Variants in AGBL4 observed in about 807,000 individuals in gnomAD.
AGBL4 encodes cytosolic carboxypeptidase 6.
In AGBL4, 58 loss-of-function variants were observed where a neutral mutation model predicts 66.4. The ratio of observed to expected loss-of-function variants is 0.87; its 90% confidence interval spans 0.71 to 1.09. The LOEUF (loss-of-function observed/expected upper bound fraction) is 1.09. Ranked by LOEUF, AGBL4 falls within the 50% of genes least tolerant of loss-of-function variation. The pLI, the probability that AGBL4 is intolerant of heterozygous loss-of-function variation, is 0.00. For missense variants in AGBL4, 579 were observed against 631.0 expected (o/e 0.92, Z 0.88); for synonymous variants, 234 against 222.9 (o/e 1.05, Z -0.44).
chr1:48,549,533 G>A (rs1644218591), intron 11 of AGBL4, among the ~76,000 whole-genome samples: 1 of 152,144 alleles, frequency 6.6e-6, no homozygotes, highest in Admixed American at 6.5e-5. Flanking sequence ...GGGTCAGGGA[G>A]AGACAGCAGG....
intron 4 of AGBL4, among the ~76,000 whole-genome samples, chr1:49,224,616 C>CAAAAAA (rs377573639): frequency 4.0e-5 from 3 of 74,708 alleles, no homozygotes; most frequent in East Asian, 3.3e-4. Context: ...GACTCCCTCT[C>CAAAAAA]AAAAAAAAAA....
At chr1:49,981,935 T>C (rs896093282) in intron 1 of AGBL4, among the ~76,000 whole-genome samples, 4 of 152,240 alleles carry the variant, frequency 2.6e-5, no homozygotes, top group Admixed American at 1.3e-4. Context: ...ATTTGTTCAA[T>C]TGTTTCAAAC....
At chr1:49,877,905 C>G (rs1293465612) in intron 1 of AGBL4, among the ~76,000 whole-genome samples, 20 of 152,090 alleles carry the variant, frequency 1.3e-4, no homozygotes, top group Non-Finnish European at 2.4e-4. Flanking sequence ...TATGTGTCTA[C>G]GAATGTATCC....
chr1:49,726,066 C>T (rs1558194934), intron 2 of AGBL4, among the ~76,000 whole-genome samples: 1 of 151,998 alleles, frequency 6.6e-6, no homozygotes, highest in Non-Finnish European at 1.5e-5. Flanking sequence ...ATAAGAGAAA[C>T]ACTATAAATA....
Position 48,634,538 on chromosome 1 carries a change from G to T in AGBL4, c.906C>A (p.Thr302=), listed in dbSNP as rs12091956. The T allele has an allele frequency of 5.6e-6, 9 of 1,606,892 alleles. No homozygotes were observed. In the East Asian group the frequency reaches 1.8e-4, roughly 32 times the overall value. Residue 302 remains threonine, a synonymous_variant, in exon 9 of 14, where the codon ACC becomes ACA. Coordinates refer to ENST00000371839, the MANE Select transcript of AGBL4 (RefSeq NM_032785.4). ...CGATGAGTTGTTTCACTCCATGCAG[G>T]GTAGGATGGACCCATGGAGAGGGAT... ...WLDPSPWVHP[T]LHGVKQLIVQ...
intron 6 of AGBL4, chr1:48,759,311 A>G (rs772557186): frequency 8.1e-5 from 125 of 1,542,648 alleles, no homozygotes; most frequent in Admixed American, 2.0e-5. Context: ...GAATCAGTTC[A>G]GGCAAGGGCA....
At chr1:48,725,699 G>A (rs1647229868) in intron 6 of AGBL4, among the ~76,000 whole-genome samples, 1 of 152,168 alleles carries the variant, frequency 6.6e-6, no homozygotes, top group Non-Finnish European at 1.5e-5. Context: ...AGGACCTTGA[G>A]CAAGAAATTA....
At chr1:49,177,931 G>T (rs955613351) in intron 4 of AGBL4, among the ~76,000 whole-genome samples, 1 of 152,070 alleles carries the variant, frequency 6.6e-6, no homozygotes, top group Non-Finnish European at 1.5e-5. Context: ...CAAAACTTTG[G>T]ACCTACAGCA....
chr1:49,167,818 T>A lies in AGBL4; in HGVS notation c.377+77952A>T, dbSNP rs943739964. Among the ~76,000 whole-genome samples the A allele has an allele frequency of 4.6e-5, 7 of 152,354 alleles. No individual in the cohort carries two copies. The South Asian group carries it at 1.5e-3, about 32-fold the overall frequency. ...AACACTCTCATCATCTGTCTGCACA[T>A]GACCTTATTGTACTTTATTTTGTTT... is the stretch of plus-strand genomic sequence containing the variant. On this transcript the variant is annotated intron_variant, in intron 4 of 13. Coordinates refer to ENST00000371839, the MANE Select transcript of AGBL4 (RefSeq NM_032785.4).
intron 5 of AGBL4, among the ~76,000 whole-genome samples, chr1:48,940,161 C>A (rs574239560): frequency 6.6e-5 from 10 of 152,114 alleles, no homozygotes; most frequent in Admixed American, 1.3e-4. Flanking sequence ...GGGCAGATCA[C>A]GAGGTCAGGA....
At chr1:48,761,568 G>A in intron 6 of AGBL4, 1 of 1,264,864 alleles carries the variant, frequency 7.9e-7, no homozygotes, top group South Asian at 1.5e-5. Context: ...AAATAATTGA[G>A]GCCAGACCAG....
intron 4 of AGBL4, among the ~76,000 whole-genome samples, chr1:49,241,208 C>G (rs1651204191): frequency 6.6e-6 from 1 of 152,078 alleles, no homozygotes; most frequent in African/African-American, 2.4e-5. Flanking sequence ...AACTGCCAAT[C>G]TGATCATGTC....
intron 3 of AGBL4, among the ~76,000 whole-genome samples, chr1:49,573,375 C>T (rs1644373241): frequency 6.6e-6 from 1 of 152,048 alleles, no homozygotes; most frequent in Admixed American, 6.6e-5. Context: ...ATGGAGAACA[C>T]TGATAGTCCT....
intron 1 of AGBL4, among the ~76,000 whole-genome samples, chr1:49,894,410 G>A (rs1039876631): frequency 2.6e-5 from 4 of 152,098 alleles, no homozygotes; most frequent in African/African-American, 7.2e-5. Flanking sequence ...AAGAAACAGA[G>A]ATATGTGACC....
At chr1:49,725,121 G>C (rs1648917663) in intron 2 of AGBL4, among the ~76,000 whole-genome samples, 1 of 152,098 alleles carries the variant, frequency 6.6e-6, no homozygotes, top group African/African-American at 2.4e-5. Context: ...TTCCTCTCCT[G>C]TCAGAATATA....
chr1:49,216,212 T>C (rs750773666), intron 4 of AGBL4, among the ~76,000 whole-genome samples: 1 of 152,144 alleles, frequency 6.6e-6, no homozygotes, highest in Non-Finnish European at 1.5e-5. Context: ...AGACCACTGG[T>C]TGCCAATCTC....
chr1:49,469,521 C>T (rs1646698357), intron 3 of AGBL4, among the ~76,000 whole-genome samples: 1 of 151,738 alleles, frequency 6.6e-6, no homozygotes, highest in African/African-American at 2.4e-5. Context: ...ACTGCAAATA[C>T]ATACACTTTG....
intron 1 of AGBL4, among the ~76,000 whole-genome samples, chr1:49,941,070 A>T (rs1654710249): frequency 6.6e-6 from 1 of 152,146 alleles, no homozygotes; most frequent in Admixed American, 6.6e-5. Context: ...AATGTAGGAG[A>T]AACTGGTAAT....
chr1:50,023,282 G>A (rs907951375), intron 1 of AGBL4, among the ~76,000 whole-genome samples: 1 of 152,092 alleles, frequency 6.6e-6, no homozygotes, highest in African/African-American at 2.4e-5. Flanking sequence ...CCCCTTCCAT[G>A]GCACTGTCTG....
Sources: gnomAD v4.1 joint callset for allele counts (sites outside exome capture counted in the v4.1 genomes callset) on GRCh38, gnomAD v4.1.1 for gene constraint, MANE v1.5 for transcripts, NCBI Gene and HGNC (gene_info 2026-07-23, HGNC 2026-07-21) for gene names.